IGF1R: variants seen among roughly 807,000 people sequenced by gnomAD.
IGF1R encodes the protein insulin like growth factor 1 receptor.
Under a neutral mutation model 144.6 loss-of-function variants are expected in IGF1R, and 44 were observed. That is an observed-to-expected ratio of 0.30 (90% confidence interval 0.24 to 0.39). IGF1R has a LOEUF of 0.39. Ranked by LOEUF, IGF1R falls within the 10% of genes least tolerant of loss-of-function variation. IGF1R has a pLI of 1.00. For synonymous variants in IGF1R, 795 were observed against 722.8 expected (o/e 1.10, Z -1.60); for missense variants, 1,355 against 1,833.7 (o/e 0.74, Z 4.77).
intron 2 of IGF1R, among the ~76,000 whole-genome samples, chr15:98,776,191 TA>T (rs1442105382): frequency 6.6e-6 from 1 of 150,986 alleles, no homozygotes; most frequent in Non-Finnish European, 1.5e-5. Flanking sequence ...TTTATTTTTT[TA>T]TTTTTTTTTT....
At chr15:98,828,551 AT>A (rs1350030328) in intron 2 of IGF1R, among the ~76,000 whole-genome samples, 1 of 152,122 alleles carries the variant, frequency 6.6e-6, no homozygotes, top group African/African-American at 2.4e-5. Flanking sequence ...CATAGTCAGA[AT>A]GTTTTCAGAG....
At chr15:98,734,546 A>T (rs1413334990) in intron 2 of IGF1R, among the ~76,000 whole-genome samples, 1 of 152,224 alleles carries the variant, frequency 6.6e-6, no homozygotes, top group Non-Finnish European at 1.5e-5. Context: ...ACTGACCCCG[A>T]ACCTGTGTCA....
At chr15:98,697,193 T>C (rs1486842364) in intron 1 of IGF1R, among the ~76,000 whole-genome samples, 2 of 152,152 alleles carry the variant, frequency 1.3e-5, no homozygotes, top group African/African-American at 4.8e-5. Context: ...AAGGAAGAAC[T>C]GTGTTGGGGT....
At chr15:98,723,997 T>A (rs2054304245) in intron 2 of IGF1R, among the ~76,000 whole-genome samples, 2 of 152,192 alleles carry the variant, frequency 1.3e-5, no homozygotes, top group African/African-American at 4.8e-5. Context: ...AGGAAAAGCT[T>A]TGGAGCAGTT....
chr15:98,925,421 T>G (rs1465081837), intron 13 of IGF1R, among the ~76,000 whole-genome samples: 1 of 152,262 alleles, frequency 6.6e-6, no homozygotes, highest in Non-Finnish European at 1.5e-5. Flanking sequence ...TAGTTCTGTG[T>G]TGAGTTTCTG....
intron 20 of IGF1R, among the ~76,000 whole-genome samples, chr15:98,956,590 G>C (rs889056518): frequency 6.6e-6 from 1 of 152,214 alleles, no homozygotes; most frequent in Non-Finnish European, 1.5e-5. Flanking sequence ...GGTGGGAACC[G>C]GAGAGAGAGC....
intron 1 of IGF1R, among the ~76,000 whole-genome samples, chr15:98,678,786 G>C (rs897747500): frequency 2.6e-5 from 4 of 152,138 alleles, no homozygotes; most frequent in Admixed American, 6.5e-5. Context: ...CGCCTCCCAA[G>C]GTGGTGGGAT....
chr15:98,727,463 C>T (rs915865984), intron 2 of IGF1R, among the ~76,000 whole-genome samples: 7 of 152,122 alleles, frequency 4.6e-5, no homozygotes, highest in East Asian at 1.9e-4. Context: ...GGCAAACAAC[C>T]GACTTTTACT....
chr15:98,802,878 C>T (rs1014983539), intron 2 of IGF1R, among the ~76,000 whole-genome samples: 3 of 152,082 alleles, frequency 2.0e-5, no homozygotes, highest in Non-Finnish European at 4.4e-5. Context: ...AATTGTGCTA[C>T]CAAAAATGAA....
intron 4 of IGF1R, among the ~76,000 whole-genome samples, chr15:98,897,923 A>AAT (rs1555458195): frequency 8.9e-5 from 13 of 146,348 alleles, no homozygotes; most frequent in Admixed American, 6.8e-4. Flanking sequence ...TTTATGAAGA[A>AAT]TTTTTTTTTT....
At chr15:98,867,274 G>T (rs1228634420) in intron 2 of IGF1R, among the ~76,000 whole-genome samples, 2 of 152,194 alleles carry the variant, frequency 1.3e-5, no homozygotes, top group Non-Finnish European at 2.9e-5. Flanking sequence ...ACCTCGTTCT[G>T]TGAAGTTTTA....
At chr15:98,900,500 C>CTT (rs768335072) in intron 5 of IGF1R, 7 of 152,232 alleles carry the variant, frequency 4.6e-5, no homozygotes, top group Admixed American at 6.5e-5. Flanking sequence ...AAAGTTACTG[C>CTT]ATAAGGGTTT....
chr15:98,805,477 T>A (rs2056451304), intron 2 of IGF1R, among the ~76,000 whole-genome samples: 1 of 152,086 alleles, frequency 6.6e-6, no homozygotes, highest in South Asian at 2.1e-4. Flanking sequence ...TAATTGTCTG[T>A]TCCAAAAGGG....
intron 2 of IGF1R, among the ~76,000 whole-genome samples, chr15:98,845,400 G>A (rs1176401505): frequency 2.8e-4 from 12 of 42,886 alleles, no homozygotes; most frequent in African/African-American, 9.9e-5. Flanking sequence ...CCTCCTCCTC[G>A]CCTCCCTCCT....
intron 8 of IGF1R, among the ~76,000 whole-genome samples, chr15:98,915,072 C>T (rs2015184510): frequency 6.6e-6 from 1 of 152,172 alleles, no homozygotes; most frequent in African/African-American, 2.4e-5. Context: ...AAACATATTG[C>T]TTAAGTGATA....
At chr15:98,692,865 C>G (rs1377505747) in intron 1 of IGF1R, among the ~76,000 whole-genome samples, 1 of 152,076 alleles carries the variant, frequency 6.6e-6, no homozygotes, top group Non-Finnish European at 1.5e-5. Flanking sequence ...CGTAGCCACC[C>G]CCGCCCTAGA....
In IGF1R at chr15:98,649,461, G is replaced by C. The variant is rs536424572; in HGVS notation, c.-121G>C. 1 of 708,940 alleles carries C rather than the reference G, an allele frequency of 1.4e-6. No individual in the cohort carries two copies. Among genetic ancestry groups the C allele is most frequent in the African/African-American group, 1.9e-5 (1 of 53,876 alleles). 43.9% of individuals were successfully genotyped at this position (708,940 alleles called of 1,614,324 possible). ...TATTGTTTCCTTCGCCCTTGTTTTT[G>C]GAGGGGGAGCGAAGACTGAGTTTGA... On this transcript the variant is annotated 5_prime_UTR_variant, in exon 1 of 21. Transcript: ENST00000650285.
chr15:98,755,256 G>A (rs1191239502), intron 2 of IGF1R, among the ~76,000 whole-genome samples: 2 of 151,672 alleles, frequency 1.3e-5, no homozygotes, highest in Admixed American at 6.6e-5. Context: ...CAGTTGCTGC[G>A]GAGTTTGAAA....
intron 2 of IGF1R, among the ~76,000 whole-genome samples, chr15:98,816,631 G>T (rs2141469316): frequency 6.6e-6 from 1 of 152,314 alleles, no homozygotes; most frequent in South Asian, 2.1e-4. Context: ...AAACACTGGG[G>T]ACTTCCCTTG....
Sources: gnomAD v4.1 joint callset for allele counts (sites outside exome capture counted in the v4.1 genomes callset) on GRCh38, gnomAD v4.1.1 for gene constraint, MANE v1.5 for transcripts, NCBI Gene and HGNC (gene_info 2026-07-23, HGNC 2026-07-21) for gene names.